The following PC variants were observed in gnomAD, a reference collection of about 807,000 sequenced individuals.
The protein encoded by PC is pyruvate carboxylase.
In PC, 46 loss-of-function variants were observed where a neutral mutation model predicts 107.8. That is an observed-to-expected ratio of 0.43 (90% CI 0.34 to 0.55). The LOEUF is 0.55. Among genes scored for constraint, PC ranks in the 20% least tolerant of loss-of-function variants. PC has a pLI of 0.04. For synonymous variants in PC, 662 were observed against 684.7 expected, an observed-to-expected ratio of 0.97 and a Z score of 0.52; for missense variants, 1,241 against 1,643.1, an observed-to-expected ratio of 0.76 and a Z score of 4.23.
intron 3 of PC, among the ~76,000 whole-genome samples, chr11:66,923,134 A>G (rs899010257): frequency 6.6e-6 from 1 of 152,092 alleles, no homozygotes; most frequent in African/African-American, 2.4e-5. Context: ...TGGGAGGCTG[A>G]GGCGGGTGGA....
rs1282761431 is a variant in PC, at chr11:66,889,812, CCACAATGCAGAGTTACTA to C, written c.1-17671_1-17654del. Among the ~76,000 whole-genome samples, 3 of 152,244 alleles carry C rather than the reference CCACAATGCAGAGTTACTA, an allele frequency of 2.0e-5. No homozygotes were observed. In the East Asian group the frequency reaches 5.8e-4, roughly 29 times the overall value. On this transcript the variant is annotated intron_variant, in intron 3 of 22. Coordinates refer to ENST00000393960, the MANE Select transcript of PC (RefSeq NM_001040716.2). ...CTTTTCTCCTTTTCTCCCAGGGGGC[CCACAATGCAGAGTTACTA>C]CTTCCCCTTTGTTGATTTCACCTGG... is the stretch of plus-strand genomic sequence containing the variant.
chr11:66,946,092 CAAAAAAAAAAAA>C (rs757767116), intron 3 of PC, among the ~76,000 whole-genome samples: 2 of 66,076 alleles, frequency 3.0e-5, no homozygotes, highest in Non-Finnish European at 6.4e-5. Context: ...GACTCCGTCT[CAAAAAAAAAAAA>C]AAAAAAAAAA....
chr11:66,891,487 G>A (rs1050574601), intron 3 of PC, among the ~76,000 whole-genome samples: 3 of 151,644 alleles, frequency 2.0e-5, no homozygotes, highest in Admixed American at 6.6e-5. Flanking sequence ...TCCGCCTCCC[G>A]GGTTCGAGCG....
Position 66,858,472 on chromosome 11 carries a change from T to C in PC, c.1369-5089A>G. ...CCCCTGCACTGCAACTGTGAGCTGCTGTGGCTGCGGCGGCTGGCGCGGCCG... is the reference window on the plus strand; with the variant it reads ...CCCCTGCACTGCAACTGTGAGCTGCCGTGGCTGCGGCGGCTGGCGCGGCCG... On this transcript the variant is annotated intron_variant, in intron 12 of 22. Transcript: ENST00000393960. This position sits in a 1 kb window ranked among gnomAD's most constrained non-coding sequence, Gnocchi z 5.9. The C allele has an allele frequency of 6.5e-7, 1 of 1,547,302 alleles. No individual in the cohort carries two copies. The highest frequency in any genetic ancestry group is 8.7e-7 in the Non-Finnish European group (1 of 1,152,842).
chr11:66,869,498 A>G (rs192470218), intron 9 of PC, among the ~76,000 whole-genome samples: 4 of 152,200 alleles, frequency 2.6e-5, no homozygotes, highest in African/African-American at 9.6e-5. Flanking sequence ...TTTTGGTCTC[A>G]CCAAAACGAT....
At position 66,871,445 on chromosome 11, in the gene PC, C is replaced by T. The variant is rs2135940780; in HGVS notation, c.357G>A (p.Gly119=). 3 of 1,613,502 alleles carry T rather than the reference C, an allele frequency of 1.9e-6. No homozygotes were observed. Among genetic ancestry groups the T allele is most frequent in the Non-Finnish European group, 2.5e-6 (3 of 1,180,022 alleles). ...CGAAGTCCGCTCGCTCAGAGAGGAA[C>T]CCGTAGCCAGGGTGCACTGCATCTA... ...NNVDAVHPGY[G]FLSERADFAQ... Residue 119 remains glycine (G), a synonymous_variant, in exon 6 of 23, where the codon GGG becomes GGA. Coordinates refer to ENST00000393960, the MANE Select transcript of PC (RefSeq NM_001040716.2). The surrounding 1 kb of genome is among the most constrained non-coding windows in gnomAD (Gnocchi z 7.4).
chr11:66,860,466 G>A (rs767705638), intron 12 of PC: 34 of 703,434 alleles, frequency 4.8e-5, no homozygotes, highest in South Asian at 4.4e-4. Context: ...AAATTGTTGG[G>A]GACACCTCAG....
At chr11:66,889,671 G>C (rs892107292) in intron 3 of PC, among the ~76,000 whole-genome samples, 1 of 152,092 alleles carries the variant, frequency 6.6e-6, no homozygotes, top group Non-Finnish European at 1.5e-5. Flanking sequence ...AATGTGCCCA[G>C]TCTCACATGT....
At chr11:66,951,253 C>T (rs1949429071) in intron 3 of PC, among the ~76,000 whole-genome samples, 1 of 152,214 alleles carries the variant, frequency 6.6e-6, no homozygotes, top group Admixed American at 6.5e-5. Flanking sequence ...CCCAAGGCCA[C>T]AGCGGGCCTG....
rs968244009 is a variant in PC, at chr11:66,848,726, C to T, written c.*173G>A. 8.0e-6 allele frequency: 6 copies of T among 747,212 alleles called. No individual in the cohort carries two copies. The highest frequency in any genetic ancestry group is 4.6e-5 in the Admixed American group (2 of 43,766). The allele number at this position is 747,212 out of a possible 1,614,324, so 46.3% of individuals were successfully genotyped here. A position where few individuals can be genotyped will look rare whatever the true frequency, so the allele number is the denominator to read the frequency against. The stretch of plus-strand genomic sequence containing the variant: ...AGCAGCTGTCCGCCGGAGGAAAGGA[C>T]GATGGCTGAAAGGAATGAACCACCG... On this transcript the variant is annotated 3_prime_UTR_variant, in exon 23 of 23. Transcript: ENST00000393960.
chr11:66,861,221 G>A (rs572348770), intron 12 of PC, among the ~76,000 whole-genome samples: 7 of 152,294 alleles, frequency 4.6e-5, no homozygotes, highest in South Asian at 2.1e-4. Flanking sequence ...GGCAGCCTCC[G>A]ACCTGGCCCA....
intron 3 of PC, among the ~76,000 whole-genome samples, chr11:66,886,307 G>C (rs575500926): frequency 6.7e-6 from 1 of 150,068 alleles, no homozygotes; most frequent in East Asian, 1.9e-4. Flanking sequence ...CGCTGAGGCA[G>C]GGAGTGCAGG....
intron 3 of PC, among the ~76,000 whole-genome samples, chr11:66,929,176 G>GAGTTTGA (rs1438458705): frequency 6.6e-6 from 1 of 152,096 alleles, no homozygotes; most frequent in African/African-American, 2.4e-5. Flanking sequence ...AGTGTCATGT[G>GAGTTTGA]AGTTTGAAAT....
At chr11:66,896,845 C>T (rs1243828026) in intron 3 of PC, among the ~76,000 whole-genome samples, 1 of 152,182 alleles carries the variant, frequency 6.6e-6, no homozygotes, top group African/African-American at 2.4e-5. Flanking sequence ...TAGAGTATTT[C>T]TAGAATGACA....
chr11:66,870,604 G>A lies in PC; in HGVS notation c.752-151C>T. The A allele has an allele frequency of 8.6e-7, 1 of 1,158,046 alleles. No homozygotes were observed. Among genetic ancestry groups the A allele is most frequent in the Non-Finnish European group, 1.3e-6 (1 of 786,642 alleles). 71.7% of individuals were successfully genotyped at this position (1,158,046 alleles called of 1,614,324 possible). ...GAGAGACACCAGCATCACCAAGGCT[G>A]TGAGGACCAACTGCCAGCTCGGCCC... On this transcript the variant is annotated intron_variant, in intron 8 of 22. Transcript: ENST00000393960. The surrounding 1 kb of genome is among the most constrained non-coding windows in gnomAD (Gnocchi z 6.1).
intron 16 of PC, 99 bp from the exon 17 acceptor site, chr11:66,851,379 T>C: frequency 1.3e-6 from 2 of 1,546,486 alleles, no homozygotes; most frequent in Non-Finnish European, 1.8e-6. Context: ...CCCTGGGGAA[T>C]GAGATCTGAG....
At chr11:66,863,999 G>A (rs201358739) in intron 11 of PC, 43 bp from the exon 12 acceptor site, 311 of 1,603,576 alleles carry the variant, frequency 1.9e-4, no homozygotes, top group Non-Finnish European at 2.4e-4. Flanking sequence ...CAGAAACTGC[G>A]GTCAAAAGTG....
chr11:66,864,152 C>T (rs887843112), intron 11 of PC, among the ~76,000 whole-genome samples, 196 bp from the exon 12 acceptor site: 3 of 152,240 alleles, frequency 2.0e-5, no homozygotes, highest in Non-Finnish European at 4.4e-5. Flanking sequence ...CCCTTCTCTA[C>T]GTGCCACGCA....
intron 18 of PC, 52 bp from the exon 19 acceptor site, chr11:66,850,516 G>A (rs1295692801): frequency 1.2e-6 from 2 of 1,612,470 alleles, no homozygotes; most frequent in Non-Finnish European, 1.7e-6. Context: ...GACTCTTCCA[G>A]GACCCAGGGC....
Sources: gnomAD v4.1 joint callset for allele counts (sites outside exome capture counted in the v4.1 genomes callset) on GRCh38, gnomAD v4.1.1 for gene constraint, Gnocchi (gnomAD v3.1) non-coding constraint, MANE v1.5 for transcripts, NCBI Gene and HGNC (gene_info 2026-07-23, HGNC 2026-07-21) for gene names.